Variants in ANGPT2 observed in about 807,000 individuals in gnomAD.
ANGPT2 encodes angiopoietin 2, also known as angiopoietin-2.
Under a neutral mutation model 62.9 loss-of-function variants are expected in ANGPT2, and 28 were observed. That is an observed-to-expected ratio of 0.44 (90% CI 0.33 to 0.61). ANGPT2 has a LOEUF of 0.61. Among genes scored for constraint, ANGPT2 ranks in the 20% least tolerant of loss-of-function variants. ANGPT2 has a pLI of 0.03. For synonymous variants in ANGPT2, 284 were observed against 207.8 expected (o/e 1.37, Z -3.15); for missense variants, 727 against 594.9 (o/e 1.22, Z -2.31).
Position 6,513,434 on chromosome 8 carries a change from G to A in ANGPT2, c.1196+244C>T, listed in dbSNP as rs971019404. Reference sequence around the variant, plus strand: ...TGCAAGCTCCGCCTCCCGGGTTCACGCCATTCTTCTGCCTCAGCCTCCCGA... The same window carrying A: ...TGCAAGCTCCGCCTCCCGGGTTCACACCATTCTTCTGCCTCAGCCTCCCGA... On this transcript the variant is annotated intron_variant, in intron 7 of 8. Transcript: ENST00000629816. Among the ~76,000 whole-genome samples the A allele has an allele frequency of 8.0e-5, 12 of 150,856 alleles. No individual in the cohort carries two copies. In the South Asian group the frequency reaches 1.5e-3, roughly 18 times the overall value.
chr8:6,542,664 A>T (rs896201387), intron 1 of ANGPT2, among the ~76,000 whole-genome samples: 3 of 151,354 alleles, frequency 2.0e-5, no homozygotes, highest in African/African-American at 7.3e-5. Flanking sequence ...GAAATGAAGT[A>T]TAAAGATACT....
intron 1 of ANGPT2, among the ~76,000 whole-genome samples, chr8:6,541,864 T>C (rs1464204666): frequency 6.6e-6 from 1 of 151,970 alleles, no homozygotes; most frequent in Non-Finnish European, 1.5e-5. Context: ...AAAAATTAGC[T>C]GGACATGGTG....
chr8:6,514,882 A>C (rs1042564615), intron 5 of ANGPT2, 104 bp from the exon 6 acceptor site: 2 of 932,936 alleles, frequency 2.1e-6, no homozygotes, highest in African/African-American at 3.3e-5. Flanking sequence ...CTCAGCCGAG[A>C]GGGTTCTCTG....
At chr8:6,557,987 C>G (rs1487754853) in intron 1 of ANGPT2, among the ~76,000 whole-genome samples, 1 of 152,204 alleles carries the variant, frequency 6.6e-6, no homozygotes, top group Non-Finnish European at 1.5e-5. Flanking sequence ...CTCATCTTGA[C>G]TGACTCCCTC....
chr8:6,552,368 G>A (rs771636210), intron 1 of ANGPT2, among the ~76,000 whole-genome samples: 20 of 152,110 alleles, frequency 1.3e-4, no homozygotes, highest in Non-Finnish European at 2.4e-4. Flanking sequence ...TTCCACAGAG[G>A]CACTCATGCA....
chr8:6,551,454 G>A (rs969803831), intron 1 of ANGPT2, among the ~76,000 whole-genome samples: 1 of 152,184 alleles, frequency 6.6e-6, no homozygotes, highest in African/African-American at 2.4e-5. Flanking sequence ...TTATGTGTTT[G>A]TTATTACCCA....
chr8:6,499,782 G>C lies in ANGPT2; in HGVS notation c.*3319C>G. The stretch of plus-strand genomic sequence containing the variant: ...TATCACTTTTTGCTGTGTCTTCAAA[G>C]TGATTCTTGGTTTATTGCCTGCTAA... On this transcript the variant is annotated 3_prime_UTR_variant, in exon 9 of 9. Coordinates refer to ENST00000629816, the MANE Select transcript of ANGPT2 (RefSeq NM_001118887.2). The C allele has an allele frequency of 7.2e-7, 1 of 1,395,768 alleles. No individual in the cohort carries two copies. Among genetic ancestry groups the C allele is most frequent in the Non-Finnish European group, 1.0e-6 (1 of 983,794 alleles). 86.5% of individuals were successfully genotyped at this position (1,395,768 alleles called of 1,614,324 possible). A position where few individuals can be genotyped will look rare whatever the true frequency, so the allele number is the denominator to read the frequency against.
intron 1 of ANGPT2, among the ~76,000 whole-genome samples, chr8:6,547,794 G>C (rs78526720): frequency 0.011 from 1,681 of 152,238 alleles, 41 homozygotes; most frequent in African/African-American, 0.038. Flanking sequence ...TGGGAATGCG[G>C]GGCCAGGGGA....
In ANGPT2 at chr8:6,562,662, A is replaced by C. The variant is rs745863531; in HGVS notation, c.273T>G (p.Thr91=). 1.3e-6 allele frequency: 2 copies of C among 1,579,228 alleles called. No individual in the cohort carries two copies. Among genetic ancestry groups the C allele is most frequent in the Non-Finnish European group, 8.6e-7 (1 of 1,157,286 alleles). The change falls in exon 1 of 9, where the codon ACT becomes ACG. Residue 91 remains threonine (T), a synonymous_variant. Transcript: ENST00000629816. ...QVLENIMENN[T]QWLMKLENYI... is the part of the protein sequence containing the mutation. ...TTTTTCCTACCTTCATTAGCCACTG[A>C]GTGTTGTTTTCCATGATGTTCTCCA...
chr8:6,540,968 AG>A (rs1482824766), intron 1 of ANGPT2, among the ~76,000 whole-genome samples: 1 of 152,218 alleles, frequency 6.6e-6, no homozygotes, highest in Non-Finnish European at 1.5e-5. Flanking sequence ...TGCTGTCCCC[AG>A]GGGGCAGGTG....
At chr8:6,541,052 G>C (rs965710266) in intron 1 of ANGPT2, among the ~76,000 whole-genome samples, 1 of 152,230 alleles carries the variant, frequency 6.6e-6, no homozygotes. Context: ...TCTCATGGGT[G>C]TCCCGAGGCA....
At chr8:6,538,967 G>C (rs950510402) in intron 1 of ANGPT2, among the ~76,000 whole-genome samples, 1 of 152,198 alleles carries the variant, frequency 6.6e-6, no homozygotes, top group Non-Finnish European at 1.5e-5. Context: ...AACATCATTT[G>C]AGGTCTCCAG....
intron 8 of ANGPT2, among the ~76,000 whole-genome samples, chr8:6,504,873 G>T (rs1194119575): frequency 6.6e-6 from 1 of 152,034 alleles, no homozygotes; most frequent in Non-Finnish European, 1.5e-5. Context: ...TCAGGCATTT[G>T]CTGGACATCT....
chr8:6,548,197 G>T (rs994458383), intron 1 of ANGPT2, among the ~76,000 whole-genome samples: 1 of 152,040 alleles, frequency 6.6e-6, no homozygotes, highest in South Asian at 2.1e-4. Context: ...GGCACGCTTT[G>T]ACTTTAGAAG....
At chr8:6,505,866 A>C (rs1390238945) in intron 8 of ANGPT2, among the ~76,000 whole-genome samples, 1 of 136,650 alleles carries the variant, frequency 7.3e-6, no homozygotes, top group East Asian at 2.0e-4. Flanking sequence ...ATATAAAAAC[A>C]TACATATTCT....
intron 1 of ANGPT2, among the ~76,000 whole-genome samples, chr8:6,550,597 G>A (rs572836328): frequency 6.6e-6 from 1 of 152,258 alleles, no homozygotes; most frequent in Non-Finnish European, 1.5e-5. Context: ...TGTGGGCTGT[G>A]TAGGGTGGCG....
chr8:6,509,069 G>T lies in ANGPT2; in HGVS notation c.1197-7C>A, dbSNP rs1164975000. ...AAGTCCTTTAAGGTGAATCCTGTAA[G>T]CGTGCAAAGAAAAAAAACACATTGG... On this transcript the variant is annotated splice_polypyrimidine_tract_variant and splice_region_variant and intron_variant, in intron 7 of 8. Coordinates refer to ENST00000629816, the MANE Select transcript of ANGPT2 (RefSeq NM_001118887.2). 1 of 1,611,848 alleles carries T rather than the reference G, an allele frequency of 6.2e-7. No individual in the cohort carries two copies. The highest frequency in any genetic ancestry group is 2.2e-5 in the East Asian group (1 of 44,866).
At chr8:6,522,011 G>C (rs769286502) in intron 3 of ANGPT2, among the ~76,000 whole-genome samples, 8 of 152,156 alleles carry the variant, frequency 5.3e-5, no homozygotes, top group Non-Finnish European at 1.2e-4. Flanking sequence ...TGTTAATTAG[G>C]ATACTATCAC....
intron 7 of ANGPT2, among the ~76,000 whole-genome samples, chr8:6,512,401 G>T (rs1815338580): frequency 6.6e-6 from 1 of 152,130 alleles, no homozygotes; most frequent in Non-Finnish European, 1.5e-5. Flanking sequence ...GCATTAATGA[G>T]ATGAAGACGA....
Sources: allele counts gnomAD v4.1 joint callset (sites outside exome capture counted in the v4.1 genomes callset), GRCh38; gene constraint gnomAD v4.1.1; transcripts MANE v1.5; gene names NCBI Gene and HGNC (gene_info 2026-07-23, HGNC 2026-07-21).